The following GTPBP1 variants were observed in gnomAD, a reference collection of about 807,000 sequenced individuals.
The protein encoded by GTPBP1 is GTP binding protein 1, also known as GTP-binding protein 1.
A neutral mutation model predicts 62.0 loss-of-function variants in GTPBP1; 23 were observed. That is an observed-to-expected ratio of 0.37 (90% CI 0.27 to 0.53). GTPBP1 has a LOEUF of 0.53. Ranked by LOEUF, GTPBP1 falls within the 20% of genes least tolerant of loss-of-function variation. The probability of loss-of-function intolerance (pLI) is 0.89; values close to 1 mark genes in which losing one functional copy is unlikely to be tolerated. For synonymous variants in GTPBP1, 344 were observed against 364.4 expected (o/e 0.94, Z 0.64); for missense variants, 640 against 917.3 (o/e 0.70, Z 3.90).
chr22:38,725,562 C>G (rs1477522436), intron 6 of GTPBP1: 2 of 160,918 alleles, frequency 1.2e-5, no homozygotes, highest in Non-Finnish European at 2.7e-5. Flanking sequence ...TCTGGTGTGG[C>G]TGGAATATAG....
At position 38,721,673 on chromosome 22, in the gene GTPBP1, G is replaced by A. The variant is rs1374488558; in HGVS notation, c.835-69G>A. ...AGCTTTCATCCACATCTGCTTTTGA[G>A]CCCCTGTGTCCACCCAGCAGCAATC... On this transcript the variant is annotated intron_variant, in intron 4 of 11. Transcript: ENST00000216044. 4.7e-6 allele frequency: 7 copies of A among 1,497,260 alleles called. No homozygotes were observed. The East Asian group carries it at 1.4e-4, about 30-fold the overall frequency. 92.7% of individuals were successfully genotyped at this position (1,497,260 alleles called of 1,614,324 possible). A position where few individuals can be genotyped will look rare whatever the true frequency, so the allele number is the denominator to read the frequency against.
chr22:38,708,847 G>T lies in GTPBP1; in HGVS notation c.195G>T (p.Leu65=). Residue 65 remains leucine (L), a splice_region_variant and synonymous_variant, in exon 2 of 12, where the codon CTG becomes CTT. Transcript: ENST00000216044. ...GEPELDLTSK[L]VLVSPTSEQY... ...AAGGCTGTTGGTTTCTTTTCTAGCT[G>T]GTTCTAGTGAGCCCTACATCAGAGC... 3 of 1,580,338 alleles carry T rather than the reference G, an allele frequency of 1.9e-6. No homozygotes were observed. Among genetic ancestry groups the T allele is most frequent in the Non-Finnish European group, 2.6e-6 (3 of 1,149,138 alleles).
chr22:38,728,578 T>A, intron 10 of GTPBP1: 1 of 205,214 alleles, frequency 4.9e-6, no homozygotes, highest in East Asian at 1.1e-4. Context: ...TGGTGTATCC[T>A]GGACACTTGC....
rs1449087548 is a variant in GTPBP1 at position 38,727,521 on chromosome 22, C to T, written c.1537+173C>T. 6.6e-6 allele frequency among the ~76,000 whole-genome samples: 1 copy of T among 151,732 alleles called. No individual in the cohort carries two copies. The highest frequency in any genetic ancestry group is 1.5e-5 in the Non-Finnish European group (1 of 67,900). On this transcript the variant is annotated intron_variant, in intron 9 of 11. Coordinates refer to ENST00000216044, the MANE Select transcript of GTPBP1 (RefSeq NM_004286.5). This position sits in a 1 kb window ranked among gnomAD's most constrained non-coding sequence, Gnocchi z 6.5. ...CATGAGCCGCAGTGTTGATTCCTTC[C>T]CACAAACACTGAGGGCTGGGCTCTT...
rs906281508 is a variant in GTPBP1 at position 38,716,067 on chromosome 22, C to T, written c.465C>T (p.Asp155=). The T allele has an allele frequency of 6.2e-7, 1 of 1,603,254 alleles. No individual in the cohort carries two copies. The highest frequency in any genetic ancestry group is 1.3e-5 in the African/African-American group (1 of 74,616). ...ACCTGGTCCGGAAACGAGTAGGAGACAATGACTTCCTGGAGGTCAGGTGAG... is the reference window on the plus strand; with the variant it reads ...ACCTGGTCCGGAAACGAGTAGGAGATAATGACTTCCTGGAGGTCAGGTGAG... ...RDYLVRKRVG[D]NDFLEVRVAV... The change falls in exon 3 of 12, where the codon GAC becomes GAT. Residue 155 remains aspartate (D), a synonymous_variant. Transcript: ENST00000216044. The surrounding 1 kb of genome is among the most constrained non-coding windows in gnomAD (Gnocchi z 5.2).
intron 10 of GTPBP1, chr22:38,729,230 A>AG (rs1250960494): frequency 4.8e-6 from 2 of 414,200 alleles, no homozygotes; most frequent in African/African-American, 4.1e-5. Flanking sequence ...AGAGGCAGGA[A>AG]GTGAGGCATG....
At chr22:38,719,967 C>T (rs1393923102) in intron 4 of GTPBP1, among the ~76,000 whole-genome samples, 3 of 141,208 alleles carry the variant, frequency 2.1e-5, no homozygotes, top group Admixed American at 7.3e-5. Context: ...CTCGCTCTGT[C>T]GCCCAGGCTG....
chr22:38,710,002 A>G (rs1022337255), intron 2 of GTPBP1, among the ~76,000 whole-genome samples: 2 of 152,166 alleles, frequency 1.3e-5, no homozygotes, highest in Admixed American at 6.5e-5. Flanking sequence ...GCTTACCTTC[A>G]TCTTCATTAT....
At chr22:38,711,734 T>C (rs2092641194) in intron 2 of GTPBP1, among the ~76,000 whole-genome samples, 2 of 151,840 alleles carry the variant, frequency 1.3e-5, no homozygotes, top group South Asian at 2.1e-4. Context: ...TCCCAACTAC[T>C]CAGGAGGCTG....
At chr22:38,741,526 C>A (rs1425129392), downstream of GTPBP1, 2 of 1,614,048 alleles carry the variant, frequency 1.2e-6, no homozygotes, top group Non-Finnish European at 1.7e-6. Flanking sequence ...TTGAAGAGGT[C>A]TTCTGAGTCT....
chr22:38,719,950 A>C (rs1474974009), intron 4 of GTPBP1, among the ~76,000 whole-genome samples: 1 of 131,828 alleles, frequency 7.6e-6, no homozygotes, highest in Non-Finnish European at 1.5e-5. Flanking sequence ...TTTTTTTGAG[A>C]CGGAGTCTCG....
downstream of GTPBP1, chr22:38,740,172 T>G: frequency 7.1e-7 from 1 of 1,415,494 alleles, no homozygotes; most frequent in Non-Finnish European, 9.3e-7. This position sits in a 1 kb window ranked among gnomAD's most constrained non-coding sequence, Gnocchi z 4.8. Context: ...TAACAGAGGC[T>G]GCAGGGGCAA....
At chr22:38,713,955 A>ATT (rs903795023) in intron 2 of GTPBP1, among the ~76,000 whole-genome samples, 10 of 152,274 alleles carry the variant, frequency 6.6e-5, no homozygotes, top group African/African-American at 2.4e-4. Flanking sequence ...ATAGAACAAG[A>ATT]TGGCCAAGGG....
downstream of GTPBP1, chr22:38,739,503 G>C (rs2092836067): frequency 2.0e-6 from 3 of 1,527,360 alleles, no homozygotes; most frequent in Admixed American, 3.6e-5. The surrounding 1 kb of genome is among the most constrained non-coding windows in gnomAD (Gnocchi z 6.7). Context: ...CGTGGGCCAA[G>C]GACCCATGGG....
downstream of GTPBP1, chr22:38,738,039 A>G (rs1477351157): frequency 1.2e-6 from 1 of 822,404 alleles, no homozygotes; most frequent in South Asian, 1.4e-5. This position sits in a 1 kb window ranked among gnomAD's most constrained non-coding sequence, Gnocchi z 6.6. Context: ...TGGATATCAC[A>G]TCTTGAGCTG....
rs751043086 is a variant in GTPBP1, at chr22:38,725,955, GT to G, written c.1074-50del. ...CTGGTCTGTGTCAGGGCAGGACCTG[GT>G]CTCCTGAGTGCCTCTCTCCTTTTTT... On this transcript the variant is annotated intron_variant, in intron 6 of 11. Coordinates refer to ENST00000216044, the MANE Select transcript of GTPBP1 (RefSeq NM_004286.5). 3 of 1,581,660 alleles carry G rather than the reference GT, an allele frequency of 1.9e-6. No individual in the cohort carries two copies. In the East Asian group the frequency reaches 6.7e-5, roughly 36 times the overall value.
At chr22:38,742,489 A>G, downstream of GTPBP1, 1 of 1,613,530 alleles carries the variant, frequency 6.2e-7, no homozygotes, top group Non-Finnish European at 8.5e-7. Context: ...TTGGAGGAAA[A>G]TTCAGCAGCA....
At chr22:38,722,732 A>G (rs1005703447) in intron 5 of GTPBP1, 11 of 1,602,572 alleles carry the variant, frequency 6.9e-6, no homozygotes, top group Non-Finnish European at 9.4e-6. Flanking sequence ...GCAGATACAC[A>G]TGGGTGATCT....
intron 1 of GTPBP1, 41 bp downstream of exon 1, chr22:38,706,188 C>A: frequency 8.4e-7 from 1 of 1,189,212 alleles, no homozygotes; most frequent in Non-Finnish European, 1.1e-6. Flanking sequence ...GGGGAGCGGG[C>A]GGCTGGCCGA....
Sources: allele counts gnomAD v4.1 joint callset (sites outside exome capture counted in the v4.1 genomes callset), GRCh38; gene constraint gnomAD v4.1.1; non-coding constraint Gnocchi (gnomAD v3.1); transcripts MANE v1.5; gene names NCBI Gene and HGNC (gene_info 2026-07-23, HGNC 2026-07-21).